The following C6orf141 variants were observed in gnomAD, a reference collection of about 807,000 sequenced individuals.
C6orf141 encodes uncharacterized protein C6orf141.
For synonymous variants in C6orf141, 164 were observed against 140.5 expected, an observed-to-expected ratio of 1.17 and a Z score of -1.18; for missense variants, 361 against 335.8, an observed-to-expected ratio of 1.07 and a Z score of -0.59.
intron 4 of C6orf141, among the ~76,000 whole-genome samples, chr6:49,560,198 C>A (rs915906950): frequency 1.3e-5 from 2 of 151,962 alleles, no homozygotes; most frequent in Middle Eastern, 3.2e-3. Context: ...ACCTGTAATC[C>A]CAGCTACTCG....
At chr6:49,561,398 C>T (rs990824617) in intron 4 of C6orf141, among the ~76,000 whole-genome samples, 2 of 152,150 alleles carry the variant, frequency 1.3e-5, no homozygotes, top group African/African-American at 4.8e-5. Context: ...CGCGCCTGGC[C>T]AGGTTCAGAA....
chr6:49,558,943 G>C (rs540663487), intron 4 of C6orf141, among the ~76,000 whole-genome samples: 1 of 151,398 alleles, frequency 6.6e-6, no homozygotes, highest in Non-Finnish European at 1.5e-5. Context: ...TCCTGAACTC[G>C]TGATCCACCT....
chr6:49,559,166 A>G (rs1360822456), intron 4 of C6orf141, among the ~76,000 whole-genome samples: 5 of 200 alleles, frequency 0.025, no homozygotes, highest in Non-Finnish European at 0.078. Flanking sequence ...GTCATTGTCC[A>G]TATATATATA....
In C6orf141 at chr6:49,551,179, C is replaced by T. The variant is rs1407950093; in HGVS notation, c.387C>T (p.Asn129=). 4 of 1,551,596 alleles carry T rather than the reference C, an allele frequency of 2.6e-6. No homozygotes were observed. Among genetic ancestry groups the T allele is most frequent in the African/African-American group, 1.4e-5 (1 of 73,170 alleles). The change falls in exon 1 of 1, where the codon AAC becomes AAT. Residue 129 remains asparagine (N), a synonymous_variant. Coordinates refer to ENST00000529246, the MANE Select transcript of C6orf141 (RefSeq NM_001145652.2). The part of the protein sequence containing the change: ...AGGEDHGEEP[N]YPSVFQRQKR... ...GAGAGGACCACGGCGAGGAGCCCAA[C>T]TACCCTTCTGTCTTTCAACGACAAA...
Position 49,551,242 on chromosome 6 carries a change from C to G in C6orf141, c.450C>G (p.Asp150Glu). The G allele has an allele frequency of 6.4e-7, 1 of 1,551,586 alleles. No homozygotes were observed. The highest frequency in any genetic ancestry group is 8.7e-7 in the Non-Finnish European group (1 of 1,146,960). The change falls in exon 1 of 1, where the codon GAC becomes GAG. Residue 150 changes from aspartate (D) to glutamate (E), a missense_variant. By Grantham distance (45) the Asp-to-Glu change is conservative. Transcript: ENST00000529246. ...GCAGGCGTGTAGCCCCGCCGCGGGACGCAGCAGACCCACCCAAATACGTGC... is the reference window on the plus strand; with the variant it reads ...GCAGGCGTGTAGCCCCGCCGCGGGAGGCAGCAGACCCACCCAAATACGTGC... ...ISGRRVAPPRDAADPPKYVLV... is the reference protein window; with the variant it reads ...ISGRRVAPPREAADPPKYVLV...
At chr6:49,552,625 C>T (rs971403667), downstream of C6orf141, 1 of 152,242 alleles carries the variant, frequency 6.6e-6, no homozygotes, top group Non-Finnish European at 1.5e-5. Context: ...CTTCCCCAGT[C>T]TTCCCTTTTG....
At position 49,550,946 on chromosome 6, in the gene C6orf141, G is replaced by T. The variant is rs947110999; in HGVS notation, c.154G>T (p.Ala52Ser). 1.2e-5 allele frequency: 18 copies of T among 1,548,560 alleles called. No individual in the cohort carries two copies. The South Asian group carries it at 1.6e-4, about 13-fold the overall frequency. Residue 52 changes from alanine to serine, a missense_variant, in exon 1 of 1, where the codon GCA (alanine) becomes TCA (serine). Transcript: ENST00000529246. ...TCCGGGCGCCCGGAATCCCGCGACG[G>T]CAGGGGCGAGCCGAAGCCAGGGCGG... Reference protein sequence around the residue: ...LAPGARNPATAGASRSQGGGH... With the variant: ...LAPGARNPATSGASRSQGGGH...
intron 4 of C6orf141, among the ~76,000 whole-genome samples, chr6:49,558,157 C>T (rs1452686002): frequency 6.8e-6 from 1 of 147,958 alleles, no homozygotes; most frequent in Non-Finnish European, 1.5e-5. Flanking sequence ...CTTGCCTTGG[C>T]CTCCCAAAGT....
At chr6:49,555,788 G>A (rs990204387), downstream of C6orf141, among the ~76,000 whole-genome samples, 14 of 151,792 alleles carry the variant, frequency 9.2e-5, no homozygotes, top group African/African-American at 2.4e-4. Context: ...GATTACAGGC[G>A]TGAGCCACCG....
chr6:49,558,364 C>T (rs1425043194), intron 4 of C6orf141, among the ~76,000 whole-genome samples: 1 of 145,506 alleles, frequency 6.9e-6, no homozygotes, highest in African/African-American at 2.6e-5. Context: ...CAACTTCTTA[C>T]ATGATTAGTT....
chr6:49,556,191 A>T (rs1049909661), downstream of C6orf141, among the ~76,000 whole-genome samples: 4 of 152,240 alleles, frequency 2.6e-5, no homozygotes, highest in Non-Finnish European at 5.9e-5. Flanking sequence ...GATGATTCAC[A>T]TTAAAGTTTG....
In C6orf141 at chr6:49,550,910, G is replaced by A. The variant is rs965658053; in HGVS notation, c.118G>A (p.Ala40Thr). 5.2e-6 allele frequency: 8 copies of A among 1,534,688 alleles called. No homozygotes were observed. The East Asian group carries it at 9.8e-5, about 19-fold the overall frequency. ...GPFPREVGRG[A>T]PLAPGARNPA... ...TTTTCCGCGGGAGGTAGGGCGCGGG[G>A]CTCCGCTAGCTCCGGGCGCCCGGAA... is the stretch of plus-strand genomic sequence containing the variant. The change falls in exon 1 of 1, where the codon GCT (alanine) becomes ACT (threonine). Residue 40 changes from alanine to threonine, a missense_variant. Transcript: ENST00000529246.
intron 4 of C6orf141, among the ~76,000 whole-genome samples, chr6:49,559,338 A>G (rs1357087888): frequency 1.3e-5 from 2 of 151,306 alleles, no homozygotes; most frequent in Non-Finnish European, 2.9e-5. Context: ...TTTTATGGAG[A>G]TAATCACATT....
downstream of C6orf141, among the ~76,000 whole-genome samples, chr6:49,553,488 G>A (rs1771110404): frequency 6.6e-6 from 1 of 152,140 alleles, no homozygotes; most frequent in South Asian, 2.1e-4. Flanking sequence ...TAACTTACTT[G>A]GCATGTAAGT....
downstream of C6orf141, chr6:49,552,283 A>G (rs1784452965): frequency 6.6e-6 from 1 of 152,364 alleles, no homozygotes; most frequent in South Asian, 2.1e-4. Flanking sequence ...CATAAAATGA[A>G]TGCATGTCTT....
At chr6:49,554,310 C>A (rs1771313441), downstream of C6orf141, among the ~76,000 whole-genome samples, 1 of 152,210 alleles carries the variant, frequency 6.6e-6, no homozygotes, top group South Asian at 2.1e-4. Context: ...AATTTGTTTT[C>A]ATTTTGTCTT....
Position 49,551,943 on chromosome 6 carries a change from G to A in C6orf141, c.*416G>A. The A allele has an allele frequency of 3.9e-6, 4 of 1,018,356 alleles. No individual in the cohort carries two copies. The highest frequency in any genetic ancestry group is 4.7e-6 in the Non-Finnish European group (4 of 842,516). The allele number at this position is 1,018,356 out of a possible 1,614,324, so 63.1% of individuals were successfully genotyped here. Reference sequence around the variant, plus strand: ...TGCAAAGAGGGTGGGAGTGGGTGGAGAAGAGGCTTGTTTTAAAAGCCAAAA... The same window carrying A: ...TGCAAAGAGGGTGGGAGTGGGTGGAAAAGAGGCTTGTTTTAAAAGCCAAAA... On this transcript the variant is annotated 3_prime_UTR_variant, in exon 1 of 1. Transcript: ENST00000529246.
At chr6:49,557,372 A>G (rs1772161956) in intron 4 of C6orf141, among the ~76,000 whole-genome samples, 1 of 152,224 alleles carries the variant, frequency 6.6e-6, no homozygotes, top group African/African-American at 2.4e-5. Context: ...TAAGAGAGTC[A>G]GCCAACATCA....
chr6:49,551,142 C>T lies in C6orf141; in HGVS notation c.350C>T (p.Pro117Leu). 30 of 1,551,702 alleles carry T rather than the reference C, an allele frequency of 1.9e-5. No individual in the cohort carries two copies. The highest frequency in any genetic ancestry group is 2.5e-5 in the Non-Finnish European group (29 of 1,146,986). ...GAGGTGGCCGGTGCAGAGGACCTTC[C>T]TCATGCGGGTGGAGAGGACCACGGC... ...REEVAGAEDLPHAGGEDHGEE... is the reference protein window; with the variant it reads ...REEVAGAEDLLHAGGEDHGEE... Residue 117 changes from proline to leucine, a missense_variant, in exon 1 of 1, where the codon CCT becomes CTT. Transcript: ENST00000529246.
Sources: gnomAD v4.1 joint callset for allele counts (sites outside exome capture counted in the v4.1 genomes callset) on GRCh38, gnomAD v4.1.1 for gene constraint, MANE v1.5 for transcripts, NCBI Gene and HGNC (gene_info 2026-07-23, HGNC 2026-07-21) for gene names.